SERGEF: variants seen among roughly 807,000 people sequenced by gnomAD.
SERGEF encodes secretion-regulating guanine nucleotide exchange factor.
Under a neutral mutation model 50.0 loss-of-function variants are expected in SERGEF, and 51 were observed. That is an observed-to-expected ratio of 1.02 (90% CI 0.81 to 1.29). The LOEUF (loss-of-function observed/expected upper bound fraction) is 1.29. Ranked by LOEUF, SERGEF falls within the 50% of genes most tolerant of loss-of-function variation. The pLI is 0.00. For synonymous variants in SERGEF, 205 were observed against 212.4 expected, an observed-to-expected ratio of 0.97 and a Z score of 0.30; for missense variants, 521 against 557.0, an observed-to-expected ratio of 0.94 and a Z score of 0.65.
chr11:17,946,913 A>T (rs1218044180), intron 9 of SERGEF, among the ~76,000 whole-genome samples: 1 of 152,158 alleles, frequency 6.6e-6, no homozygotes, highest in African/African-American at 2.4e-5. Context: ...TTCAGAGTAG[A>T]TGGAGATGGA....
intron 10 of SERGEF, chr11:17,855,431 C>A (rs536239813): frequency 6.6e-6 from 1 of 152,184 alleles, no homozygotes; most frequent in Non-Finnish European, 1.5e-5. Flanking sequence ...AGTAGTGCCC[C>A]CTTATCTTCA....
At chr11:17,898,883 G>C (rs1482828554) in intron 9 of SERGEF, among the ~76,000 whole-genome samples, 1 of 152,124 alleles carries the variant, frequency 6.6e-6, no homozygotes, top group Non-Finnish European at 1.5e-5. Context: ...GGCCTGGTAG[G>C]AGGTGACTGG....
intron 8 of SERGEF, among the ~76,000 whole-genome samples, chr11:17,965,019 A>G (rs983356436): frequency 7.9e-5 from 12 of 152,208 alleles, no homozygotes; most frequent in Non-Finnish European, 1.8e-4. Flanking sequence ...TCCTTTCTGT[A>G]TAGCATGTGC....
intron 10 of SERGEF, among the ~76,000 whole-genome samples, chr11:17,813,601 G>C (rs1162314567): frequency 6.6e-6 from 1 of 152,178 alleles, no homozygotes; most frequent in Non-Finnish European, 1.5e-5. Flanking sequence ...TCTAGGCAGG[G>C]AGTTAACTCT....
intron 1 of SERGEF, among the ~76,000 whole-genome samples, 163 bp from the exon 2 acceptor site, chr11:18,008,239 C>T (rs577638968): frequency 1.3e-5 from 2 of 152,314 alleles, no homozygotes; most frequent in East Asian, 3.9e-4. Flanking sequence ...AGCTCCTTCA[C>T]GGCAAATACT....
intron 8 of SERGEF, among the ~76,000 whole-genome samples, chr11:17,968,407 T>A (rs2133978956): frequency 6.6e-6 from 1 of 152,342 alleles, no homozygotes; most frequent in Non-Finnish European, 1.5e-5. Flanking sequence ...TAGGGGCTAC[T>A]GCACTGAACA....
intron 5 of SERGEF, chr11:17,999,462 T>C (rs1853913352): frequency 5.3e-6 from 2 of 377,044 alleles, no homozygotes; most frequent in African/African-American, 2.1e-5. Flanking sequence ...CCCAGGACTA[T>C]CAGCACAGTC....
At chr11:17,928,901 C>T (rs932705680) in intron 9 of SERGEF, among the ~76,000 whole-genome samples, 1 of 152,108 alleles carries the variant, frequency 6.6e-6, no homozygotes, top group Non-Finnish European at 1.5e-5. Context: ...CCAGAATTTC[C>T]AGGCAAGAAA....
At chr11:17,937,903 T>C (rs922743786) in intron 9 of SERGEF, among the ~76,000 whole-genome samples, 3 of 152,130 alleles carry the variant, frequency 2.0e-5, no homozygotes, top group Non-Finnish European at 4.4e-5. Flanking sequence ...TGTTACCCCA[T>C]CCTTCCTGCC....
chr11:17,914,673 T>C (rs970672389), intron 9 of SERGEF, among the ~76,000 whole-genome samples: 15 of 152,236 alleles, frequency 9.9e-5, no homozygotes, highest in African/African-American at 3.1e-4. Context: ...TTAAAAACCA[T>C]TGTCCTCGTT....
intron 6 of SERGEF, among the ~76,000 whole-genome samples, chr11:17,994,775 C>A (rs1197039304): frequency 6.6e-6 from 1 of 152,182 alleles, no homozygotes; most frequent in African/African-American, 2.4e-5. Context: ...GGAAGCTAAG[C>A]CCACCCCTAG....
intron 10 of SERGEF, among the ~76,000 whole-genome samples, chr11:17,803,882 T>G (rs1021981133): frequency 2.6e-5 from 4 of 152,242 alleles, no homozygotes; most frequent in Non-Finnish European, 5.9e-5. Flanking sequence ...TTCAGATTAC[T>G]GTTTGTCTGA....
At chr11:17,808,042 G>A (rs530714696) in intron 10 of SERGEF, among the ~76,000 whole-genome samples, 21 of 152,298 alleles carry the variant, frequency 1.4e-4, no homozygotes, top group African/African-American at 4.6e-4. Flanking sequence ...TAATCTGAGA[G>A]TTTCTTGGGG....
chr11:17,993,083 G>T, intron 6 of SERGEF, 90 bp from the exon 7 acceptor site: 1 of 1,043,830 alleles, frequency 9.6e-7, no homozygotes, highest in Non-Finnish European at 1.4e-6. Context: ...ACCTGGGCGT[G>T]GGAGAGACTC....
intron 10 of SERGEF, among the ~76,000 whole-genome samples, chr11:17,799,018 A>C (rs1849616643): frequency 6.6e-6 from 1 of 152,200 alleles, no homozygotes; most frequent in Non-Finnish European, 1.5e-5. Context: ...TGCACACAGC[A>C]CCTTCGGATC....
chr11:17,980,303 T>C (rs985037895), intron 8 of SERGEF, among the ~76,000 whole-genome samples: 2 of 152,134 alleles, frequency 1.3e-5, no homozygotes, highest in African/African-American at 4.8e-5. Context: ...GAGCCAAAAA[T>C]AGATGGCCAC....
At chr11:17,989,685 A>G (rs1853672662) in intron 7 of SERGEF, among the ~76,000 whole-genome samples, 1 of 152,220 alleles carries the variant, frequency 6.6e-6, no homozygotes, top group African/African-American at 2.4e-5. Flanking sequence ...CTAAGGATCT[A>G]CAGCTGTACT....
chr11:17,963,533 A>C lies in SERGEF; in HGVS notation c.845-3897T>G, dbSNP rs1212308053. On this transcript the variant is annotated intron_variant, in intron 8 of 10. Coordinates refer to ENST00000265965, the MANE Select transcript of SERGEF (RefSeq NM_012139.4). ...CTCCTGAGTAGCTGGGAGTACAGTCATGCACCACCATCCGGCCAATTTTTG... is the reference window on the plus strand; with the variant it reads ...CTCCTGAGTAGCTGGGAGTACAGTCCTGCACCACCATCCGGCCAATTTTTG... 2.0e-5 allele frequency among the ~76,000 whole-genome samples: 3 copies of C among 151,934 alleles called. No individual in the cohort carries two copies. In the East Asian group the frequency reaches 5.8e-4, roughly 29 times the overall value.
chr11:17,870,529 C>T (rs932666166), intron 10 of SERGEF, among the ~76,000 whole-genome samples: 3 of 152,158 alleles, frequency 2.0e-5, no homozygotes, highest in Non-Finnish European at 2.9e-5. Context: ...ATGAAGGCTG[C>T]CAACAGCTTG....
Sources: allele counts gnomAD v4.1 joint callset (sites outside exome capture counted in the v4.1 genomes callset), GRCh38; gene constraint gnomAD v4.1.1; transcripts MANE v1.5; gene names NCBI Gene and HGNC (gene_info 2026-07-23, HGNC 2026-07-21).